TLK1: variants seen among roughly 807,000 people sequenced by gnomAD.
TLK1 encodes tousled like kinase 1.
In TLK1, 24 loss-of-function variants were observed where a neutral mutation model predicts 105.3. The ratio of observed to expected loss-of-function variants is 0.23; its 90% CI spans 0.17 to 0.32. The LOEUF is 0.32. Ranked by LOEUF, TLK1 falls within the 10% of genes least tolerant of loss-of-function variation. The pLI is 1.00. For synonymous variants in TLK1, 321 were observed against 310.4 expected (o/e 1.03, Z -0.36); for missense variants, 558 against 910.5 (o/e 0.61, Z 4.98).
rs1688022045 is a variant in TLK1, at chr2:171,066,856, T to A, written c.331-5700A>T. On this transcript the variant is annotated intron_variant, in intron 3 of 20. Coordinates refer to ENST00000431350, the MANE Select transcript of TLK1 (RefSeq NM_012290.5). ...ACTCAAATTACCTTGCCAGTAGTTT[T>A]CAAATCATACAAGAATAAAACAGCC... 1.9e-6 allele frequency: 3 copies of A among 1,552,066 alleles called. No individual in the cohort carries two copies. The East Asian group carries it at 7.3e-5, about 38-fold the overall frequency.
intron 1 of TLK1, among the ~76,000 whole-genome samples, chr2:171,227,423 G>A (rs559310759): frequency 5.2e-4 from 79 of 152,258 alleles, no homozygotes; most frequent in African/African-American, 1.9e-3. Context: ...AGGAGAGCTT[G>A]TCTAACAATG....
At chr2:171,096,129 T>C (rs1388257469) in intron 2 of TLK1, among the ~76,000 whole-genome samples, 1 of 152,190 alleles carries the variant, frequency 6.6e-6, no homozygotes, top group Non-Finnish European at 1.5e-5. Flanking sequence ...TGGATAACCC[T>C]GAAGATTCCA....
intron 1 of TLK1, among the ~76,000 whole-genome samples, chr2:171,150,754 C>G (rs1691997994): frequency 6.6e-6 from 1 of 152,216 alleles, no homozygotes; most frequent in South Asian, 2.1e-4. Flanking sequence ...TTGGATCTAG[C>G]TGTTTCCAAA....
intron 1 of TLK1, among the ~76,000 whole-genome samples, chr2:171,125,227 T>C (rs1690819709): frequency 6.6e-6 from 1 of 152,234 alleles, no homozygotes; most frequent in Admixed American, 6.5e-5. Flanking sequence ...AGATATTCCA[T>C]TTTTAAGTTT....
At chr2:171,119,099 T>C (rs116411761) in intron 1 of TLK1, among the ~76,000 whole-genome samples, 2 of 152,352 alleles carry the variant, frequency 1.3e-5, no homozygotes, top group Non-Finnish European at 2.9e-5. Context: ...CTCTCTGGCA[T>C]CTACTCACTC....
chr2:171,017,789 T>C (rs1685279175), intron 12 of TLK1, among the ~76,000 whole-genome samples: 1 of 152,076 alleles, frequency 6.6e-6, no homozygotes, highest in South Asian at 2.1e-4. Flanking sequence ...TCAGTAGCAC[T>C]AGAGAAAAAA....
chr2:171,214,976 T>C (rs909573914), intron 1 of TLK1, among the ~76,000 whole-genome samples: 1 of 152,058 alleles, frequency 6.6e-6, no homozygotes, highest in Non-Finnish European at 1.5e-5. Context: ...GGCCTTGCTC[T>C]GTCTCCCAGG....
At chr2:171,193,239 A>G (rs182321402) in intron 1 of TLK1, among the ~76,000 whole-genome samples, 1 of 152,276 alleles carries the variant, frequency 6.6e-6, no homozygotes, top group Non-Finnish European at 1.5e-5. Context: ...AGAAATATCA[A>G]TACTGGGAGA....
At chr2:171,143,701 G>C (rs1450870878) in intron 1 of TLK1, among the ~76,000 whole-genome samples, 1 of 151,996 alleles carries the variant, frequency 6.6e-6, no homozygotes, top group Non-Finnish European at 1.5e-5. Flanking sequence ...TTCAAATATA[G>C]TTTTAAAATG....
At chr2:171,189,965 G>C (rs1389746917) in intron 1 of TLK1, among the ~76,000 whole-genome samples, 1 of 152,280 alleles carries the variant, frequency 6.6e-6, no homozygotes, top group East Asian at 1.9e-4. Flanking sequence ...AGGGCAGAAG[G>C]CATGTGCCAG....
intron 3 of TLK1, chr2:171,081,836 T>C: frequency 1.9e-6 from 1 of 525,500 alleles, no homozygotes; most frequent in African/African-American, 2.0e-5. Context: ...AACACAGAGC[T>C]AAAAAGATGC....
chr2:171,054,011 T>C (rs2105435867), intron 7 of TLK1, 158 bp from the exon 8 acceptor site: 1 of 515,946 alleles, frequency 1.9e-6, no homozygotes, highest in South Asian at 2.8e-5. Context: ...TTTAATAACT[T>C]CAAGTGTATA....
At chr2:171,090,836 T>C (rs558676702) in intron 2 of TLK1, among the ~76,000 whole-genome samples, 44 of 152,328 alleles carry the variant, frequency 2.9e-4, no homozygotes, top group African/African-American at 9.6e-4. Flanking sequence ...AAAAGAACAA[T>C]ATTTAAACTA....
chr2:171,051,843 T>C (rs1342570168), intron 8 of TLK1, among the ~76,000 whole-genome samples: 2 of 152,220 alleles, frequency 1.3e-5, no homozygotes, highest in Admixed American at 6.5e-5. Flanking sequence ...TTTATGATGA[T>C]AGAGCTGGCA....
intron 2 of TLK1, among the ~76,000 whole-genome samples, chr2:171,108,141 T>G (rs571912773): frequency 1.3e-5 from 2 of 151,432 alleles, no homozygotes; most frequent in African/African-American, 2.4e-5. Flanking sequence ...AGTAAAGATG[T>G]ACATGAACAC....
At chr2:171,032,103 CA>C (rs869154291) in intron 11 of TLK1, among the ~76,000 whole-genome samples, 4 of 149,248 alleles carry the variant, frequency 2.7e-5, no homozygotes, top group African/African-American at 9.8e-5. Context: ...ACAACAACAA[CA>C]AAAGGCAACA....
intron 1 of TLK1, among the ~76,000 whole-genome samples, chr2:171,153,669 C>A (rs1008110021): frequency 2.5e-4 from 38 of 152,182 alleles, no homozygotes; most frequent in Admixed American, 2.5e-3. Context: ...CTAAACAACA[C>A]AGGCACTTAA....
chr2:171,156,624 C>T (rs1692245407), intron 1 of TLK1, among the ~76,000 whole-genome samples: 1 of 152,238 alleles, frequency 6.6e-6, no homozygotes, highest in Admixed American at 6.5e-5. Context: ...TGTCACATAT[C>T]TATTCATGAG....
intron 1 of TLK1, among the ~76,000 whole-genome samples, chr2:171,145,483 G>A (rs1373224786): frequency 4.0e-5 from 6 of 151,736 alleles, no homozygotes; most frequent in Non-Finnish European, 5.9e-5. Flanking sequence ...CCGGCTACTC[G>A]GGAGGCTGAG....
Sources: gnomAD v4.1 joint callset for allele counts (sites outside exome capture counted in the v4.1 genomes callset) on GRCh38, gnomAD v4.1.1 for gene constraint, MANE v1.5 for transcripts, NCBI Gene and HGNC (gene_info 2026-07-23, HGNC 2026-07-21) for gene names.